CEP68: variants seen among roughly 807,000 people sequenced by gnomAD.
The protein encoded by CEP68 is centrosomal protein of 68 kDa.
A neutral mutation model predicts 55.3 loss-of-function variants in CEP68; 26 were observed. That is an observed-to-expected ratio of 0.47 (90% CI 0.34 to 0.65). CEP68 has a LOEUF of 0.65. CEP68 is among the 30% of genes least tolerant of loss of function. The pLI is 0.01. For synonymous variants in CEP68, 402 were observed against 383.2 expected (o/e 1.05, Z -0.57); for missense variants, 957 against 946.7 (o/e 1.01, Z -0.14).
Position 65,072,169 on chromosome 2 carries a change from C to G in CEP68, c.1073C>G (p.Pro358Arg). The change falls in exon 3 of 7, where the codon CCA becomes CGA. Residue 358 changes from proline to arginine, a missense_variant. Pro to Arg is a moderately radical substitution (Grantham distance 103, BLOSUM62 -2). Transcript: ENST00000377990. ...CCTACTAATGTCTCCCCCAACTGCC[C>G]ACCAGCAGAGGCCACTGCCCTGCCA... ...KSPTNVSPNC[P>R]PAEATALPFS... 6.2e-7 allele frequency: 1 copy of G among 1,614,112 alleles called. No individual in the cohort carries two copies. The highest frequency in any genetic ancestry group is 8.5e-7 in the Non-Finnish European group (1 of 1,180,030).
At chr2:65,068,829 GAAAAAAGA>G (rs977441129) in intron 1 of CEP68, among the ~76,000 whole-genome samples, 2 of 151,626 alleles carry the variant, frequency 1.3e-5, no homozygotes, top group African/African-American at 4.9e-5. Flanking sequence ...CCCTGTCTCA[GAAAAAAGA>G]AAAAAAGAAA....
chr2:65,062,899 A>T (rs745984705), intron 1 of CEP68, among the ~76,000 whole-genome samples: 5 of 152,036 alleles, frequency 3.3e-5, no homozygotes, highest in Non-Finnish European at 5.9e-5. Context: ...TCTCTAGTTG[A>T]TCATTCATCT....
intron 6 of CEP68, among the ~76,000 whole-genome samples, chr2:65,083,299 C>T (rs1668921491): frequency 6.6e-6 from 1 of 152,194 alleles, no homozygotes; most frequent in African/African-American, 2.4e-5. Context: ...GGTAGTACAA[C>T]TTTCTTTTGC....
At chr2:65,066,458 G>A (rs547996671) in intron 1 of CEP68, among the ~76,000 whole-genome samples, 24 of 149,482 alleles carry the variant, frequency 1.6e-4, no homozygotes, top group South Asian at 1.1e-3. Flanking sequence ...GGCCAGGCAC[G>A]GTGGCTCACG....
chr2:65,070,247 G>A (rs1173178142), intron 2 of CEP68, among the ~76,000 whole-genome samples: 1 of 152,132 alleles, frequency 6.6e-6, no homozygotes, highest in Admixed American at 6.5e-5. Context: ...TCAGAACCTT[G>A]GAGCCCTGTA....
intron 1 of CEP68, among the ~76,000 whole-genome samples, chr2:65,060,291 C>A (rs1675849127): frequency 6.6e-6 from 1 of 152,124 alleles, no homozygotes; most frequent in South Asian, 2.1e-4. Context: ...ATGGAGACAG[C>A]TGTTTCTGTT....
At chr2:65,070,109 C>G (rs896678614) in intron 2 of CEP68, among the ~76,000 whole-genome samples, 3 of 152,164 alleles carry the variant, frequency 2.0e-5, no homozygotes, top group African/African-American at 7.2e-5. Context: ...AAGGAGAGCC[C>G]TGCCGTGTTT....
intron 1 of CEP68, among the ~76,000 whole-genome samples, chr2:65,064,511 G>A (rs1676063220): frequency 6.6e-6 from 1 of 152,132 alleles, no homozygotes; most frequent in African/African-American, 2.4e-5. Flanking sequence ...GAGGCAGGCA[G>A]ATCACGATGT....
intron 4 of CEP68, among the ~76,000 whole-genome samples, chr2:65,076,382 C>G (rs1280000493): frequency 6.6e-6 from 1 of 152,198 alleles, no homozygotes; most frequent in Non-Finnish European, 1.5e-5. Flanking sequence ...AACCAGCTTG[C>G]TTTGTAGGTA....
At chr2:65,074,688 C>T in intron 4 of CEP68, 1 of 394,650 alleles carries the variant, frequency 2.5e-6, no homozygotes, top group Non-Finnish European at 4.8e-6. Context: ...GTCTTTTATC[C>T]CAGCTACTCT....
Position 65,071,893 on chromosome 2 carries a change from G to A in CEP68, c.797G>A (p.Arg266His), listed in dbSNP as rs143173944. 94 of 1,612,444 alleles carry A rather than the reference G, an allele frequency of 5.8e-5. No homozygotes were observed. Among genetic ancestry groups the A allele is most frequent in the Non-Finnish European group, 7.4e-5 (87 of 1,179,402 alleles). Residue 266 changes from arginine (R) to histidine (H), a missense_variant, in exon 3 of 7, where the codon CGC becomes CAC. Coordinates refer to ENST00000377990, the MANE Select transcript of CEP68 (RefSeq NM_015147.3). ...GGDASGLGRR[R>H]LSFQAEYWAC... is the part of the protein sequence containing the mutation. The stretch of plus-strand genomic sequence containing the variant: ...GATGCTTCTGGGCTAGGCAGGAGAC[G>A]CCTCTCCTTCCAGGCTGAGTACTGG...
rs768083390 is a variant in CEP68, at chr2:65,074,403, G to A, written c.2006G>A (p.Arg669Gln). ...CTCAAGTCTTCTCTGCAGCTTTACCGGGTAATATGCGGTCCTGGCTCTGGC... is the reference window on the plus strand; with the variant it reads ...CTCAAGTCTTCTCTGCAGCTTTACCAGGTAATATGCGGTCCTGGCTCTGGC... The part of the protein sequence containing the change: ...TSLKSSLQLY[R>Q]QFKKDIDEHQ... The change falls in exon 4 of 7, where the codon CGG (arginine) becomes CAG (glutamine). Residue 669 changes from arginine (R) to glutamine (Q), a missense_variant and splice_region_variant. Transcript: ENST00000377990. 3.7e-5 allele frequency: 59 copies of A among 1,614,028 alleles called. No individual in the cohort carries two copies. In the South Asian group the frequency reaches 3.7e-4, roughly 10 times the overall value.
intron 1 of CEP68, among the ~76,000 whole-genome samples, chr2:65,068,165 G>C (rs1002258810): frequency 1.3e-5 from 2 of 152,120 alleles, no homozygotes; most frequent in African/African-American, 4.8e-5. Flanking sequence ...TCACGGTTCC[G>C]TTACCTCCCC....
At chr2:65,070,276 G>C (rs542216718) in intron 2 of CEP68, among the ~76,000 whole-genome samples, 1 of 152,286 alleles carries the variant, frequency 6.6e-6, no homozygotes, top group East Asian at 1.9e-4. Flanking sequence ...CACTGTCCCT[G>C]GTTAAGGAGA....
At chr2:65,061,069 C>T (rs1675889509) in intron 1 of CEP68, among the ~76,000 whole-genome samples, 1 of 152,032 alleles carries the variant, frequency 6.6e-6, no homozygotes. Context: ...CCCAACTACT[C>T]AGGAGACTGA....
chr2:65,078,293 TTA>T (rs752857077), intron 5 of CEP68, among the ~76,000 whole-genome samples: 7 of 152,232 alleles, frequency 4.6e-5, no homozygotes, highest in Non-Finnish European at 1.0e-4. Context: ...TCCACCATCC[TTA>T]GTTTGTGGCT....
intron 1 of CEP68, among the ~76,000 whole-genome samples, chr2:65,066,175 G>T (rs1285175986): frequency 1.3e-5 from 2 of 152,164 alleles, no homozygotes; most frequent in African/African-American, 4.8e-5. Flanking sequence ...TTTTCAGGAT[G>T]TGGGAGGAAA....
intron 1 of CEP68, among the ~76,000 whole-genome samples, chr2:65,062,669 C>T (rs1004784534): frequency 1.3e-5 from 2 of 151,992 alleles, no homozygotes; most frequent in Non-Finnish European, 2.9e-5. Context: ...AACCCTGTCC[C>T]TACTAAAAAT....
intron 5 of CEP68, among the ~76,000 whole-genome samples, chr2:65,082,250 T>A (rs1308466513): frequency 6.6e-6 from 1 of 152,186 alleles, no homozygotes; most frequent in African/African-American, 2.4e-5. Flanking sequence ...ATACCAGCCA[T>A]CAGAAAACCA....
Sources: gnomAD v4.1 joint callset for allele counts (sites outside exome capture counted in the v4.1 genomes callset) on GRCh38, gnomAD v4.1.1 for gene constraint, MANE v1.5 for transcripts, NCBI Gene and HGNC (gene_info 2026-07-23, HGNC 2026-07-21) for gene names.